EFL1: variants seen among roughly 807,000 people sequenced by gnomAD.
EFL1 encodes the protein elongation factor-like GTPase 1.
Under a neutral mutation model 126.7 loss-of-function variants are expected in EFL1, and 76 were observed. The observed-to-expected ratio is 0.60, with a 90% confidence interval of 0.50 to 0.73. The LOEUF is 0.73. EFL1 is among the 30% of genes least tolerant of loss of function. The probability of loss-of-function intolerance (pLI) is 0.00; values close to 1 mark genes in which losing one functional copy is unlikely to be tolerated. For missense variants in EFL1, 1,128 were observed against 1,343.2 expected (o/e 0.84, Z 2.50); for synonymous variants, 410 against 448.4 (o/e 0.91, Z 1.08).
At chr15:82,248,987 A>G (rs905306251) in intron 4 of EFL1, among the ~76,000 whole-genome samples, 6 of 152,106 alleles carry the variant, frequency 3.9e-5, no homozygotes, top group African/African-American at 1.5e-4. Context: ...GGGGGGAGAA[A>G]TAAAGTTAGA....
chr15:82,217,465 A>C (rs2074662401), intron 14 of EFL1, among the ~76,000 whole-genome samples: 1 of 151,186 alleles, frequency 6.6e-6, no homozygotes, highest in African/African-American at 2.4e-5. Context: ...AAGGAATCCT[A>C]TGCCACACTG....
intron 15 of EFL1, among the ~76,000 whole-genome samples, chr15:82,190,134 T>C (rs991525150): frequency 1.1e-4 from 16 of 151,048 alleles, no homozygotes; most frequent in Non-Finnish European, 3.0e-5. Context: ...AAAAAATTCA[T>C]GTTACTTTCC....
At chr15:82,238,634 A>G (rs2074898992) in intron 6 of EFL1, 113 bp from the exon 7 acceptor site, 4 of 876,312 alleles carry the variant, frequency 4.6e-6, no homozygotes, top group Admixed American at 5.0e-5. Context: ...GTTTGGGCTC[A>G]TTAAGCATAC....
chr15:82,179,215 C>G (rs763378361), intron 15 of EFL1, among the ~76,000 whole-genome samples: 2 of 152,134 alleles, frequency 1.3e-5, no homozygotes, highest in Non-Finnish European at 1.5e-5. Context: ...GGTGGCAATA[C>G]TTCCTAGTAT....
rs964168478 is a variant in EFL1 at position 82,249,114 on chromosome 15, G to A, written c.244+3577C>T. ...TTTTATTTCATTTTTGTGTTTTACT[G>A]TATATTCTATAACACACACTAAATT... On this transcript the variant is annotated intron_variant, in intron 4 of 19. Coordinates refer to ENST00000268206, the MANE Select transcript of EFL1 (RefSeq NM_024580.6). Among the ~76,000 whole-genome samples the A allele has an allele frequency of 5.9e-5, 9 of 151,922 alleles. 1 individual carries two copies. Among genetic ancestry groups the A allele is most frequent in the African/African-American group, 2.2e-4 (9 of 41,336 alleles).
intron 4 of EFL1, among the ~76,000 whole-genome samples, chr15:82,248,111 A>G (rs1458417440): frequency 6.6e-6 from 1 of 152,118 alleles, no homozygotes; most frequent in East Asian, 1.9e-4. Context: ...TCAGAGTAAT[A>G]CCCATCACAG....
At chr15:82,227,085 G>A (rs1298581347) in intron 11 of EFL1, among the ~76,000 whole-genome samples, 1 of 152,160 alleles carries the variant, frequency 6.6e-6, no homozygotes, top group Non-Finnish European at 1.5e-5. Context: ...TAGTGGTTTG[G>A]GGGCAGGGTT....
chr15:82,155,870 C>G (rs981240767), intron 17 of EFL1, among the ~76,000 whole-genome samples: 35 of 152,174 alleles, frequency 2.3e-4, no homozygotes, highest in Admixed American at 2.0e-3. Flanking sequence ...CTTTGGAAGC[C>G]TCTTTTATGA....
At chr15:82,185,210 TGTGTGC>T (rs1212317293) in intron 15 of EFL1, among the ~76,000 whole-genome samples, 104 of 138,068 alleles carry the variant, frequency 7.5e-4, no homozygotes, top group African/African-American at 3.1e-3. Context: ...TGTGTGTGTG[TGTGTGC>T]GTTCCTCAAT....
intron 15 of EFL1, among the ~76,000 whole-genome samples, chr15:82,185,169 C>CTGTGTGTGTGTGTG (rs71156029): frequency 7.1e-6 from 1 of 139,882 alleles, no homozygotes; most frequent in Non-Finnish European, 1.6e-5. Context: ...TCATGTGTGG[C>CTGTGTGTGTGTGTG]TGTGTGTGTG....
intron 3 of EFL1, among the ~76,000 whole-genome samples, chr15:82,253,624 G>C (rs944232563): frequency 1.4e-4 from 22 of 152,088 alleles, no homozygotes; most frequent in African/African-American, 5.3e-4. Flanking sequence ...TCTGAGCAGA[G>C]ACTGAAACAG....
chr15:82,180,348 G>A lies in EFL1; in HGVS notation c.1751-16364C>T, dbSNP rs368158550. Among the ~76,000 whole-genome samples the A allele has an allele frequency of 2.3e-3, 254 of 109,328 alleles. 9 individuals carry two copies. In the South Asian group the frequency reaches 0.072, roughly 31 times the overall value. The allele number at this position is 109,328 out of a possible 152,430, so 71.7% of individuals were successfully genotyped here. ...TTGGTTAAAATGAAGCAGTAACTGC[G>A]ATTAAACTGGCAAAAAAAAAAAAAC... On this transcript the variant is annotated intron_variant, in intron 15 of 19. Coordinates refer to ENST00000268206, the MANE Select transcript of EFL1 (RefSeq NM_024580.6).
intron 19 of EFL1, among the ~76,000 whole-genome samples, chr15:82,133,381 TG>T (rs1567034768): frequency 1.5e-4 from 23 of 152,236 alleles, no homozygotes; most frequent in African/African-American, 5.5e-4. Flanking sequence ...GTAAAGCACC[TG>T]GCATATCCTA....
chr15:82,194,681 C>A (rs1352500620), intron 15 of EFL1, among the ~76,000 whole-genome samples: 5 of 152,230 alleles, frequency 3.3e-5, no homozygotes, highest in Non-Finnish European at 5.9e-5. Context: ...CTATTAATAA[C>A]TTCTCCAAGA....
intron 4 of EFL1, 90 bp downstream of exon 4, chr15:82,252,601 A>G (rs2075032500): frequency 2.0e-6 from 2 of 1,000,948 alleles, no homozygotes; most frequent in African/African-American, 3.2e-5. Context: ...AATATAAGCA[A>G]AGAAACTGAG....
At chr15:82,137,506 C>A (rs1489653359) in intron 19 of EFL1, among the ~76,000 whole-genome samples, 1 of 152,184 alleles carries the variant, frequency 6.6e-6, no homozygotes, top group Non-Finnish European at 1.5e-5. Context: ...AAGGGCTGGT[C>A]AGCCACAATG....
intron 17 of EFL1, among the ~76,000 whole-genome samples, chr15:82,153,938 C>T (rs2073940095): frequency 6.6e-6 from 1 of 152,098 alleles, no homozygotes; most frequent in South Asian, 2.1e-4. Flanking sequence ...AAAATATGCT[C>T]ATATACTTAG....
chr15:82,229,157 C>T (rs371988774), intron 8 of EFL1, 47 bp from the exon 9 acceptor site: 9 of 1,391,904 alleles, frequency 6.5e-6, no homozygotes, highest in South Asian at 1.3e-5. Flanking sequence ...ATTTAATAGG[C>T]ATTTATATAT....
At chr15:82,235,479 A>G (rs780462012) in intron 7 of EFL1, among the ~76,000 whole-genome samples, 3 of 152,158 alleles carry the variant, frequency 2.0e-5, no homozygotes, top group African/African-American at 7.2e-5. Flanking sequence ...ACTCAAGAAT[A>G]AAGTTAAAGT....
Sources: allele counts gnomAD v4.1 joint callset (sites outside exome capture counted in the v4.1 genomes callset), GRCh38; gene constraint gnomAD v4.1.1; transcripts MANE v1.5; gene names NCBI Gene and HGNC (gene_info 2026-07-23, HGNC 2026-07-21).